Variants in DNAAF2 observed in about 807,000 individuals in gnomAD.
DNAAF2 encodes dynein axonemal assembly factor 2.
A neutral mutation model predicts 48.8 loss-of-function variants in DNAAF2; 58 were observed. The ratio of observed to expected loss-of-function variants is 1.19; its 90% CI spans 0.96 to 1.48. The LOEUF (loss-of-function observed/expected upper bound fraction) is 1.48, where lower values mean the gene tolerates loss of function less well. Among genes scored for constraint, DNAAF2 ranks in the 40% most tolerant of loss-of-function variants. The pLI is 0.00. For missense variants in DNAAF2, 1,241 were observed against 1,116.1 expected, an observed-to-expected ratio of 1.11 and a Z score of -1.59; for synonymous variants, 567 against 481.2, an observed-to-expected ratio of 1.18 and a Z score of -2.33.
At chr14:49,626,144 G>A in intron 2 of DNAAF2, 96 bp from the exon 3 acceptor site, 1 of 1,045,772 alleles carries the variant, frequency 9.6e-7, no homozygotes. Context: ...CAGTTGTGAG[G>A]TAATAGCCCT....
Position 49,635,227 on chromosome 14 carries a change from T to TG in DNAAF2, c.-79dup. 6.8e-7 allele frequency: 1 copy of TG among 1,462,924 alleles called. No homozygotes were observed. The highest frequency in any genetic ancestry group is 9.3e-7 in the Non-Finnish European group (1 of 1,071,428). The allele number at this position is 1,462,924 out of a possible 1,614,324, so 90.6% of individuals were successfully genotyped here. On this transcript the variant is annotated 5_prime_UTR_variant, in exon 1 of 3. Coordinates refer to ENST00000298292, the MANE Select transcript of DNAAF2 (RefSeq NM_018139.3). Reference sequence around the variant, plus strand: ...GTTGGGGGATCCGCCTCAGAGTTTCTGGGCAGCGTACAGTGACGCGGTGGA... The same window carrying TG: ...GTTGGGGGATCCGCCTCAGAGTTTCTGGGGCAGCGTACAGTGACGCGGTGGA...
In DNAAF2 at chr14:49,628,004, T is replaced by C. The variant is rs766597110; in HGVS notation, c.2007+8A>G. On this transcript the variant is annotated splice_region_variant and intron_variant, in intron 2 of 2. Transcript: ENST00000298292. ...TTACTCCTCTATAGAGCCCATCAAC[T>C]TCCTTACCTTTGCATTAATTTGAAT... The C allele has an allele frequency of 1.9e-6, 3 of 1,560,664 alleles. No homozygotes were observed. The highest frequency in any genetic ancestry group is 2.6e-6 in the Non-Finnish European group (3 of 1,152,078).
Position 49,625,423 on chromosome 14 carries a change from A to C in DNAAF2, c.*119T>G. The C allele has an allele frequency of 1.2e-6, 1 of 816,546 alleles. No individual in the cohort carries two copies. Among genetic ancestry groups the C allele is most frequent in the East Asian group, 3.3e-5 (1 of 30,054 alleles). 50.6% of individuals were successfully genotyped at this position (816,546 alleles called of 1,614,324 possible). A position where few individuals can be genotyped will look rare whatever the true frequency, so the allele number is the denominator to read the frequency against. ...TCAAAATTGCAATTTTTTAAAAAAA[A>C]TTGCAAATTTTAATTTTATACTTTA... On this transcript the variant is annotated 3_prime_UTR_variant, in exon 3 of 3. Coordinates refer to ENST00000298292, the MANE Select transcript of DNAAF2 (RefSeq NM_018139.3).
intron 1 of DNAAF2, among the ~76,000 whole-genome samples, chr14:49,632,426 A>T (rs1052596362): frequency 6.7e-6 from 1 of 149,414 alleles, no homozygotes; most frequent in Admixed American, 6.9e-5. Context: ...GTTAAAGCCC[A>T]AAGTCTAATA....
At chr14:49,628,670 G>C (rs1289947613) in intron 1 of DNAAF2, among the ~76,000 whole-genome samples, 1 of 152,128 alleles carries the variant, frequency 6.6e-6, no homozygotes, top group African/African-American at 2.4e-5. Flanking sequence ...GGCCAGACTG[G>C]TCTTGAACTC....
chr14:49,627,380 G>A (rs186075097), intron 2 of DNAAF2, among the ~76,000 whole-genome samples: 33 of 152,238 alleles, frequency 2.2e-4, no homozygotes, highest in African/African-American at 6.3e-4. Context: ...TAGAAAGAAC[G>A]TACAAATTGT....
chr14:49,629,633 C>T (rs982924510), intron 1 of DNAAF2: 9 of 151,806 alleles, frequency 5.9e-5, no homozygotes, highest in African/African-American at 1.9e-4. Context: ...GCAGTGAGTC[C>T]AGCCTGGGCG....
At position 49,634,720 on chromosome 14, in the gene DNAAF2, C is replaced by G. The variant is rs1883290106; in HGVS notation, c.430G>C (p.Val144Leu). ...GCAAGCGCGTCTGGATGGAAGACCACGTCGTAGACCATGTAGCGGCTGCTG... is the reference window on the plus strand; with the variant it reads ...GCAAGCGCGTCTGGATGGAAGACCAGGTCGTAGACCATGTAGCGGCTGCTG... ...RSSSRYMVYD[V>L]VFHPDALALA... The change falls in exon 1 of 3, where the codon GTG becomes CTG. Residue 144 changes from valine (V) to leucine (L), a missense_variant. Val to Leu is a conservative substitution (Grantham distance 32, BLOSUM62 1). Coordinates refer to ENST00000298292, the MANE Select transcript of DNAAF2 (RefSeq NM_018139.3). 4 of 1,605,726 alleles carry G rather than the reference C, an allele frequency of 2.5e-6. No homozygotes were observed. Among genetic ancestry groups the G allele is most frequent in the Non-Finnish European group, 3.4e-6 (4 of 1,179,524 alleles).
chr14:49,631,520 G>A (rs1883164591), intron 1 of DNAAF2, among the ~76,000 whole-genome samples: 2 of 152,146 alleles, frequency 1.3e-5, no homozygotes, highest in South Asian at 4.1e-4. Flanking sequence ...AGCTACTCGG[G>A]AGGCTGAGGC....
At chr14:49,626,370 T>A (rs770370039) in intron 2 of DNAAF2, among the ~76,000 whole-genome samples, 1 of 151,668 alleles carries the variant, frequency 6.6e-6, no homozygotes, top group Non-Finnish European at 1.5e-5. Context: ...CACCTGATAA[T>A]CCCCTCTACT....
chr14:49,631,167 T>C (rs1005439184), intron 1 of DNAAF2, among the ~76,000 whole-genome samples: 1 of 152,162 alleles, frequency 6.6e-6, no homozygotes, highest in Non-Finnish European at 1.5e-5. Flanking sequence ...TATTTGAAGA[T>C]CCAGAATAAC....
At position 49,629,383 on chromosome 14, in the gene DNAAF2, A is replaced by G. The variant is rs138551818; in HGVS notation, c.1864-1228T>C. ...AGCCTTGACCTCCCTGGCTCAAGCA[A>G]TCCTCCACCTGTGCCCCCAAGTGCC... On this transcript the variant is annotated intron_variant, in intron 1 of 2. Transcript: ENST00000298292. The G allele has an allele frequency of 7.8e-3, 1,195 of 152,434 alleles. 18 individuals are homozygous for G. The highest frequency in any genetic ancestry group is 0.027 in the African/African-American group (1,133 of 41,448). The allele number at this position is 152,434 out of a possible 1,614,324, so 9.4% of individuals were successfully genotyped here.
chr14:49,634,907 G>A lies in DNAAF2; in HGVS notation c.243C>T (p.Ser81=). Residue 81 remains serine, a synonymous_variant, in exon 1 of 3, where the codon AGC becomes AGT. Transcript: ENST00000298292. Reference sequence around the variant, plus strand: ...CAAAGCAGCGCCGCGCCCCGTCCAGGCTGGTGCGCAGCACATGGCCGGGCT... The same window carrying A: ...CAAAGCAGCGCCGCGCCCCGTCCAGACTGGTGCGCAGCACATGGCCGGGCT... ...HPEPGHVLRT[S]LDGARRCFVN... is the part of the protein sequence containing the mutation. 1 of 1,551,602 alleles carries A rather than the reference G, an allele frequency of 6.4e-7. No homozygotes were observed. The highest frequency in any genetic ancestry group is 8.7e-7 in the Non-Finnish European group (1 of 1,147,452).
In DNAAF2 at chr14:49,634,508, G is replaced by C; in HGVS notation, c.642C>G (p.Asp214Glu). 6.3e-7 allele frequency: 1 copy of C among 1,598,620 alleles called. No homozygotes were observed. ...CCGGGAGAGGACCCTTCGGCTCCCC[G>C]TCAGGCCTTGCGGGGATGACCCCGG... is the stretch of plus-strand genomic sequence containing the variant. ...PLPGVIPARP[D>E]GEPKGPLPDF... The change falls in exon 1 of 3, where the codon GAC becomes GAG. Residue 214 changes from aspartate (D) to glutamate (E), a missense_variant. Physicochemically the swap from Asp to Glu is conservative, Grantham distance 45. Coordinates refer to ENST00000298292, the MANE Select transcript of DNAAF2 (RefSeq NM_018139.3).
At position 49,625,978 on chromosome 14, in the gene DNAAF2, GT is replaced by G; in HGVS notation, c.2077del (p.Thr693LeufsTer6). ...ACAATGTTCTATATATTCCTTTTCA[GT>G]TAGATGACTTTCTTCATTTACTCTT... ...EERVNEESHL[T>X]EKEYIEHCNT... On this transcript the variant is annotated frameshift_variant, in exon 3 of 3. Transcript: ENST00000298292. LOFTEE classifies it low-confidence loss of function (END_TRUNC). 6.3e-7 allele frequency: 1 copy of G among 1,598,654 alleles called. No individual in the cohort carries two copies. Among genetic ancestry groups the G allele is most frequent in the South Asian group, 1.2e-5 (1 of 86,116 alleles).
chr14:49,633,878 C>G lies in DNAAF2; in HGVS notation c.1272G>C (p.Pro424=). The change falls in exon 1 of 3, where the codon CCG becomes CCC. Residue 424 remains proline (P), a synonymous_variant. Coordinates refer to ENST00000298292, the MANE Select transcript of DNAAF2 (RefSeq NM_018139.3). ...TLGDPEVAPP[P]AAAGEERVPK... ...GGACACGCTCCTCTCCAGCTGCGGC[C>G]GGCGGAGGCGCCACCTCCGGGTCGC... 1 of 1,537,096 alleles carries G rather than the reference C, an allele frequency of 6.5e-7. No homozygotes were observed. Among genetic ancestry groups the G allele is most frequent in the Non-Finnish European group, 8.7e-7 (1 of 1,147,916 alleles).
intron 1 of DNAAF2, among the ~76,000 whole-genome samples, chr14:49,628,507 T>G (rs1358246488): frequency 2.6e-5 from 4 of 152,210 alleles, no homozygotes; most frequent in African/African-American, 9.7e-5. Flanking sequence ...CAGGCTGGAG[T>G]GCAGTGGTGC....
chr14:49,631,353 C>T (rs1467883397), intron 1 of DNAAF2, among the ~76,000 whole-genome samples: 2 of 152,122 alleles, frequency 1.3e-5, no homozygotes, highest in African/African-American at 4.8e-5. Flanking sequence ...CAGCCGGGCG[C>T]GGTGGCTCAT....
At position 49,633,774 on chromosome 14, in the gene DNAAF2, TCTC is replaced by T; in HGVS notation, c.1373_1375del (p.Gly458del). On this transcript the variant is annotated inframe_deletion, in exon 1 of 3. Transcript: ENST00000298292. ...GGAGCCTCCGCCACCAGGTGAGTTT[TCTC>T]CTCCAGGAGATGGCTCCTCCACGCT... The T allele has an allele frequency of 1.3e-6, 2 of 1,592,572 alleles. No homozygotes were observed. Among genetic ancestry groups the T allele is most frequent in the Non-Finnish European group, 1.7e-6 (2 of 1,174,616 alleles).
Sources: gnomAD v4.1 joint callset for allele counts (sites outside exome capture counted in the v4.1 genomes callset) on GRCh38, gnomAD v4.1.1 for gene constraint, MANE v1.5 for transcripts, NCBI Gene and HGNC (gene_info 2026-07-23, HGNC 2026-07-21) for gene names.